The following SV2C variants were observed in gnomAD, a reference collection of about 807,000 sequenced individuals.
SV2C encodes the protein solute carrier family 22 member B3.
In SV2C, 49 loss-of-function variants were observed where a neutral mutation model predicts 79.7. The ratio of observed to expected loss-of-function variants is 0.61; its 90% confidence interval spans 0.49 to 0.78. The LOEUF (loss-of-function observed/expected upper bound fraction) is 0.78, where lower values mean the gene tolerates loss of function less well. Ranked by LOEUF, SV2C falls within the 30% of genes least tolerant of loss-of-function variation. The probability of loss-of-function intolerance (pLI) is 0.00; values close to 1 mark genes in which losing one functional copy is unlikely to be tolerated. For synonymous variants in SV2C, 334 were observed against 333.2 expected, an observed-to-expected ratio of 1.00 and a Z score of -0.03; for missense variants, 833 against 912.9, an observed-to-expected ratio of 0.91 and a Z score of 1.13.
the SV2C span, among the ~76,000 whole-genome samples, chr5:75,921,981 G>A: frequency 6.6e-6 from 1 of 151,992 alleles, no homozygotes; most frequent in African/African-American, 2.4e-5. Context: ...CATTCAAAAA[G>A]CTCATGGTCT....
intron 4 of SV2C, among the ~76,000 whole-genome samples, chr5:76,283,741 A>G (rs79895636): frequency 1.9e-3 from 289 of 152,344 alleles, no homozygotes; most frequent in African/African-American, 6.5e-3. Context: ...TAAGATTAAT[A>G]TAGCATGTCA....
Position 76,285,148 on chromosome 5 carries a change from T to C in SV2C, c.914-14T>C. 3 of 1,613,748 alleles carry C rather than the reference T, an allele frequency of 1.9e-6. No homozygotes were observed. Among genetic ancestry groups the C allele is most frequent in the Non-Finnish European group, 2.5e-6 (3 of 1,179,798 alleles). ...GAGGAGCTCTCCCTCACTCTCCGTG[T>C]CCTCCTTTTCCAGGGTGGAGCTTCA... is the stretch of plus-strand genomic sequence containing the variant. On this transcript the variant is annotated splice_polypyrimidine_tract_variant and intron_variant, in intron 4 of 12. Coordinates refer to ENST00000502798, the MANE Select transcript of SV2C (RefSeq NM_014979.4).
chr5:76,095,052 GT>G (rs1478761998), intron 1 of SV2C, among the ~76,000 whole-genome samples: 1 of 151,182 alleles, frequency 6.6e-6, no homozygotes, highest in East Asian at 1.9e-4. Flanking sequence ...TTCTTTCAAT[GT>G]TTTTTTTCTA....
chr5:76,325,356 C>T lies in SV2C; in HGVS notation c.2001-8C>T, dbSNP rs1486595552. ...TCTCAACCTTGTTCATGTCTCTTTC[C>T]TTTGCAGGGCAACAGGCTTTGGCTT... On this transcript the variant is annotated splice_polypyrimidine_tract_variant and splice_region_variant and intron_variant, in intron 12 of 12. Coordinates refer to ENST00000502798, the MANE Select transcript of SV2C (RefSeq NM_014979.4). 6.2e-7 allele frequency: 1 copy of T among 1,613,864 alleles called. No individual in the cohort carries two copies. Among genetic ancestry groups the T allele is most frequent in the East Asian group, 2.2e-5 (1 of 44,870 alleles).
At chr5:76,346,871 C>A (rs1749553984) in intron 12 of SV2C, among the ~76,000 whole-genome samples, 1 of 152,244 alleles carries the variant, frequency 6.6e-6, no homozygotes, top group African/African-American at 2.4e-5. Flanking sequence ...CACCTGCACA[C>A]AGCTTGCTGC....
At chr5:75,877,959 T>C in the SV2C span, among the ~76,000 whole-genome samples, 1 of 148,592 alleles carries the variant, frequency 6.7e-6, no homozygotes, top group Non-Finnish European at 1.5e-5. Context: ...AAAAAACAAG[T>C]TTCTCTTTGA....
At chr5:76,291,895 A>G in intron 8 of SV2C, 39 bp downstream of exon 8, 2 of 1,437,366 alleles carry the variant, frequency 1.4e-6, no homozygotes, top group African/African-American at 1.4e-5. Context: ...AAAATCGTTC[A>G]ATGTCCACAT....
chr5:75,989,019 A>G, the SV2C span, among the ~76,000 whole-genome samples: 1 of 151,918 alleles, frequency 6.6e-6, no homozygotes, highest in Non-Finnish European at 1.5e-5. Flanking sequence ...TTCTCTACAA[A>G]TTTATTGTTC....
At chr5:76,173,698 C>T (rs1276353401) in intron 2 of SV2C, 3 of 1,613,668 alleles carry the variant, frequency 1.9e-6, no homozygotes, top group African/African-American at 1.3e-5. Flanking sequence ...TAATTTGCCG[C>T]ACTAGGTCAT....
At chr5:76,263,431 G>C (rs975349112) in intron 4 of SV2C, among the ~76,000 whole-genome samples, 2 of 152,054 alleles carry the variant, frequency 1.3e-5, no homozygotes, top group Non-Finnish European at 2.9e-5. Flanking sequence ...TTGGCAGTCT[G>C]TGTCTTTTAA....
chr5:76,087,472 C>T (rs968242200), intron 1 of SV2C, among the ~76,000 whole-genome samples: 1 of 152,152 alleles, frequency 6.6e-6, no homozygotes, highest in African/African-American at 2.4e-5. Flanking sequence ...TTATCATTTT[C>T]CACTGTTTGG....
At chr5:76,336,393 C>A (rs1031026066), downstream of SV2C, among the ~76,000 whole-genome samples, 18 of 151,706 alleles carry the variant, frequency 1.2e-4, no homozygotes, top group African/African-American at 4.4e-4. Context: ...GGCAGAGACG[C>A]TCCTCACCCT....
At chr5:76,336,072 CGGA>C (rs2112581411), downstream of SV2C, among the ~76,000 whole-genome samples, 1 of 66,414 alleles carries the variant, frequency 1.5e-5, no homozygotes, top group South Asian at 3.8e-4. Flanking sequence ...ACCTCCCTCC[CGGA>C]CGGGGCGGCT....
intron 1 of SV2C, among the ~76,000 whole-genome samples, chr5:76,120,047 G>T (rs1580280834): frequency 6.6e-6 from 1 of 152,172 alleles, no homozygotes; most frequent in African/African-American, 2.4e-5. Context: ...AGTGCATGAG[G>T]TGATGGAATG....
the SV2C span, among the ~76,000 whole-genome samples, chr5:75,960,726 G>C: frequency 1.3e-5 from 2 of 151,978 alleles, no homozygotes; most frequent in Non-Finnish European, 2.9e-5. Context: ...GTCTCAGAAA[G>C]TGTCCCTGTC....
intron 4 of SV2C, among the ~76,000 whole-genome samples, chr5:76,225,012 A>G (rs1249341451): frequency 6.6e-6 from 1 of 152,210 alleles, no homozygotes; most frequent in Non-Finnish European, 1.5e-5. Context: ...AGAGAATCCA[A>G]GGGGACACTG....
At chr5:76,002,565 C>T in the SV2C span, among the ~76,000 whole-genome samples, 1 of 152,146 alleles carries the variant, frequency 6.6e-6, no homozygotes, top group Non-Finnish European at 1.5e-5. Context: ...AAATTGTATG[C>T]TATGTGAATT....
chr5:75,949,078 C>T, the SV2C span, among the ~76,000 whole-genome samples: 2 of 151,766 alleles, frequency 1.3e-5, no homozygotes, highest in Admixed American at 6.6e-5. Context: ...TCCTGAGAAT[C>T]GATCCTGTAG....
At chr5:76,108,351 G>T (rs141517252) in intron 1 of SV2C, among the ~76,000 whole-genome samples, 3 of 152,122 alleles carry the variant, frequency 2.0e-5, no homozygotes, top group African/African-American at 7.2e-5. Flanking sequence ...AGTGATGTGC[G>T]TTCTCTAGGG....
Sources: allele counts gnomAD v4.1 joint callset (sites outside exome capture counted in the v4.1 genomes callset), GRCh38; gene constraint gnomAD v4.1.1; transcripts MANE v1.5; gene names NCBI Gene and HGNC (gene_info 2026-07-23, HGNC 2026-07-21).